Variants in RIMS2 observed in about 807,000 individuals in gnomAD.
RIMS2 encodes regulating synaptic membrane exocytosis 2.
A neutral mutation model predicts 174.4 loss-of-function variants in RIMS2; 59 were observed. That is an observed-to-expected ratio of 0.34 (90% CI 0.27 to 0.42). RIMS2 has a LOEUF of 0.42. Among genes scored for constraint, RIMS2 ranks in the 10% least tolerant of loss-of-function variants. RIMS2 has a pLI of 1.00. For missense variants in RIMS2, 1,620 were observed against 1,666.3 expected, an observed-to-expected ratio of 0.97 and a Z score of 0.48; for synonymous variants, 606 against 572.5, an observed-to-expected ratio of 1.06 and a Z score of -0.84.
downstream of RIMS2, chr8:104,255,656 C>T (rs2099366627): frequency 6.6e-6 from 1 of 152,204 alleles, no homozygotes; most frequent in African/African-American, 2.4e-5. Context: ...ATCACCAAAG[C>T]TGTCTGCCTA....
intron 2 of RIMS2, among the ~76,000 whole-genome samples, chr8:103,762,499 G>T (rs1232672744): frequency 1.3e-5 from 2 of 152,134 alleles, no homozygotes; most frequent in Non-Finnish European, 2.9e-5. Flanking sequence ...CATGGACACA[G>T]AATTTATCTC....
chr8:104,207,961 A>T (rs2099088289), intron 19 of RIMS2, among the ~76,000 whole-genome samples: 1 of 152,106 alleles, frequency 6.6e-6, no homozygotes, highest in South Asian at 2.1e-4. Context: ...TTAAGGCAGG[A>T]TCTTGCTATG....
chr8:104,100,964 T>G (rs11990342), intron 19 of RIMS2, among the ~76,000 whole-genome samples: 13 of 80,692 alleles, frequency 1.6e-4, no homozygotes, highest in Admixed American at 6.7e-4. Context: ...TATGATATAT[T>G]ATATAGTATA....
At chr8:103,881,567 T>C (rs190531701) in intron 3 of RIMS2, among the ~76,000 whole-genome samples, 5 of 151,622 alleles carry the variant, frequency 3.3e-5, no homozygotes, top group Admixed American at 2.6e-4. Context: ...TTTTTGGACA[T>C]AGAATTTAAG....
intron 3 of RIMS2, among the ~76,000 whole-genome samples, chr8:103,813,391 T>A (rs1386256204): frequency 1.3e-5 from 2 of 150,516 alleles, no homozygotes; most frequent in Admixed American, 6.6e-5. Context: ...AATTTACACT[T>A]CTTTCTTTCT....
intron 2 of RIMS2, among the ~76,000 whole-genome samples, chr8:103,708,774 T>G (rs2097264826): frequency 6.6e-6 from 1 of 151,974 alleles, no homozygotes; most frequent in Non-Finnish European, 1.5e-5. Context: ...AATTAAATTG[T>G]TTTTTTGGTG....
intron 19 of RIMS2, among the ~76,000 whole-genome samples, chr8:104,036,775 G>A (rs1363148813): frequency 6.6e-6 from 1 of 151,938 alleles, no homozygotes; most frequent in Non-Finnish European, 1.5e-5. Flanking sequence ...TACTCAGGAG[G>A]CTGAGGCAGG....
chr8:103,962,703 A>G (rs1005864153), intron 15 of RIMS2, among the ~76,000 whole-genome samples: 11 of 152,262 alleles, frequency 7.2e-5, no homozygotes, highest in Admixed American at 5.2e-4. Flanking sequence ...AGCTCACTGC[A>G]TCCTCAACTT....
chr8:103,551,141 A>G (rs1470210599), intron 1 of RIMS2, among the ~76,000 whole-genome samples: 4 of 152,158 alleles, frequency 2.6e-5, no homozygotes, highest in Non-Finnish European at 2.9e-5. Context: ...CAGAGACACA[A>G]CAAAAAAAAG....
chr8:103,659,884 G>A (rs1421039020), intron 1 of RIMS2, among the ~76,000 whole-genome samples: 1 of 152,256 alleles, frequency 6.6e-6, no homozygotes, highest in African/African-American at 2.4e-5. Flanking sequence ...GCTGCTTCGA[G>A]TGCACACGGT....
intron 1 of RIMS2, among the ~76,000 whole-genome samples, chr8:103,663,492 A>G (rs1156832705): frequency 2.0e-5 from 3 of 152,200 alleles, no homozygotes; most frequent in African/African-American, 7.2e-5. Context: ...TACACCAATA[A>G]TAGACAAACA....
intron 2 of RIMS2, among the ~76,000 whole-genome samples, chr8:103,744,793 G>T (rs971973267): frequency 6.6e-6 from 1 of 152,158 alleles, no homozygotes; most frequent in Non-Finnish European, 1.5e-5. Context: ...TCTCATCATG[G>T]CCAAGATTTG....
chr8:103,902,134 C>G (rs750081436), intron 4 of RIMS2, among the ~76,000 whole-genome samples: 24 of 152,070 alleles, frequency 1.6e-4, no homozygotes, highest in Non-Finnish European at 2.6e-4. Context: ...AATTTATTTC[C>G]TTTTGACAAG....
At chr8:103,984,510 TCTCA>T (rs1200624190) in intron 16 of RIMS2, among the ~76,000 whole-genome samples, 5 of 152,210 alleles carry the variant, frequency 3.3e-5, no homozygotes, top group African/African-American at 7.2e-5. Context: ...TGACATGTTA[TCTCA>T]CTCCAGTCAA....
At chr8:104,254,246 A>G (rs2099365024), downstream of RIMS2, 1 of 151,524 alleles carries the variant, frequency 6.6e-6, no homozygotes, top group South Asian at 2.1e-4. Context: ...CTTGTGGTTT[A>G]GTCATGTAAC....
chr8:104,200,927 C>A (rs1370531577), intron 19 of RIMS2, among the ~76,000 whole-genome samples: 1 of 152,158 alleles, frequency 6.6e-6, no homozygotes, highest in Non-Finnish European at 1.5e-5. Flanking sequence ...ACAACATCAA[C>A]AAAACCTAGC....
intron 14 of RIMS2, among the ~76,000 whole-genome samples, chr8:103,948,980 A>G (rs2154542752): frequency 6.6e-6 from 1 of 151,012 alleles, no homozygotes; most frequent in East Asian, 1.9e-4. Flanking sequence ...AAAAATAATT[A>G]GCCGGGTTCA....
chr8:103,644,575 T>C (rs2096289266), intron 1 of RIMS2, among the ~76,000 whole-genome samples: 1 of 151,994 alleles, frequency 6.6e-6, no homozygotes, highest in Admixed American at 6.6e-5. Context: ...TCTCAACATT[T>C]TAATTTTGGT....
intron 19 of RIMS2, among the ~76,000 whole-genome samples, chr8:104,161,952 A>C (rs2098764671): frequency 6.6e-6 from 1 of 152,180 alleles, no homozygotes; most frequent in South Asian, 2.1e-4. Context: ...CTCTCTGACT[A>C]TCCATTCTCC....
Sources: allele counts gnomAD v4.1 joint callset (sites outside exome capture counted in the v4.1 genomes callset), GRCh38; gene constraint gnomAD v4.1.1; transcripts MANE v1.5; gene names NCBI Gene and HGNC (gene_info 2026-07-23, HGNC 2026-07-21).